SUN1: variants seen among roughly 807,000 people sequenced by gnomAD.
SUN1 encodes Sad1 and UNC84 domain containing 1.
In SUN1, 61 loss-of-function variants were observed where a neutral mutation model predicts 103.2. That is an observed-to-expected ratio of 0.59 (90% confidence interval 0.48 to 0.73). The LOEUF is 0.73. SUN1 is among the 30% of genes least tolerant of loss of function. The probability of loss-of-function intolerance (pLI) is 0.00; values close to 1 mark genes in which losing one functional copy is unlikely to be tolerated. For synonymous variants in SUN1, 490 were observed against 425.7 expected (o/e 1.15, Z -1.86); for missense variants, 1,052 against 1,034.6 (o/e 1.02, Z -0.23).
chr7:839,083 G>A, intron 2 of SUN1, 97 bp downstream of exon 2: 3 of 1,296,056 alleles, frequency 2.3e-6, no homozygotes, highest in Non-Finnish European at 3.1e-6. Context: ...CCTGTCTCGA[G>A]CTTAAGGATA....
At chr7:837,214 G>A (rs559694110) in intron 1 of SUN1, among the ~76,000 whole-genome samples, 98 of 152,324 alleles carry the variant, frequency 6.4e-4, no homozygotes, top group African/African-American at 2.2e-3. Flanking sequence ...GCAGGGTTCC[G>A]TGGCTGGAAG....
intron 10 of SUN1, among the ~76,000 whole-genome samples, chr7:854,259 G>C (rs151212608): frequency 6.6e-6 from 1 of 152,252 alleles, no homozygotes; most frequent in African/African-American, 2.4e-5. Flanking sequence ...TGATCATGGC[G>C]GCGACTGGAA....
At chr7:854,262 G>C (rs1042694189) in intron 10 of SUN1, among the ~76,000 whole-genome samples, 1 of 152,264 alleles carries the variant, frequency 6.6e-6, no homozygotes, top group Non-Finnish European at 1.5e-5. Flanking sequence ...TCATGGCGGC[G>C]ACTGGAACGC....
At position 823,812 on chromosome 7, in the gene SUN1, C is replaced by T. The variant is rs186579181; in HGVS notation, c.-74+7139C>T. Among the ~76,000 whole-genome samples, 9 of 152,214 alleles carry T rather than the reference C, an allele frequency of 5.9e-5. No individual in the cohort carries two copies. The East Asian group carries it at 1.4e-3, about 23-fold the overall frequency. ...GAATGGAGAGGGGGCATGGGGCACG[C>T]GCCCTGGGGAGGGAGGAGCAGGCCT... On this transcript the variant is annotated intron_variant, in intron 1 of 17. Transcript: ENST00000389574.
upstream of SUN1, among the ~76,000 whole-genome samples, chr7:827,614 T>C (rs867622252): frequency 3.4e-4 from 50 of 148,786 alleles, no homozygotes; most frequent in Middle Eastern, 0.016. Context: ...GGACTACAGG[T>C]GCCCGCCACC....
intron 5 of SUN1, 153 bp from the exon 6 acceptor site, chr7:851,231 G>C (rs1276794921): frequency 1.1e-5 from 6 of 565,764 alleles, no homozygotes; most frequent in Non-Finnish European, 1.9e-5. Context: ...GCACTTACAA[G>C]AGTTATTTGG....
chr7:838,998 T>C lies in SUN1; in HGVS notation c.266+12T>C, dbSNP rs1265031397. Reference sequence around the variant, plus strand: ...AACCGAGCGGCCAGGTGAGCACCGCTGCACTTCCTCTCCATCTGATCTCTA... The same window carrying C: ...AACCGAGCGGCCAGGTGAGCACCGCCGCACTTCCTCTCCATCTGATCTCTA... On this transcript the variant is annotated intron_variant, in intron 2 of 18. Transcript: ENST00000401592. The C allele has an allele frequency of 6.5e-7, 1 of 1,538,388 alleles. No individual in the cohort carries two copies. Among genetic ancestry groups the C allele is most frequent in the East Asian group, 2.3e-5 (1 of 43,212 alleles).
chr7:852,502 A>G, intron 7 of SUN1, 107 bp from the exon 8 acceptor site: 1 of 1,325,408 alleles, frequency 7.5e-7, no homozygotes, highest in Non-Finnish European at 1.1e-6. Context: ...TGCTTTTCTA[A>G]TACTGGGGGG....
chr7:861,137 T>C (rs1454889845), intron 14 of SUN1, among the ~76,000 whole-genome samples: 3 of 152,206 alleles, frequency 2.0e-5, no homozygotes, highest in Non-Finnish European at 4.4e-5. Flanking sequence ...CAAAGATTGA[T>C]GGTGGCCATG....
intron 5 of SUN1, among the ~76,000 whole-genome samples, chr7:846,397 A>G (rs1815788852): frequency 1.3e-5 from 2 of 152,014 alleles, no homozygotes; most frequent in African/African-American, 2.4e-5. Context: ...ATGAGTCACC[A>G]TGCCCAGCCC....
At chr7:837,058 C>T (rs1425882341) in intron 1 of SUN1, among the ~76,000 whole-genome samples, 1 of 152,234 alleles carries the variant, frequency 6.6e-6, no homozygotes, top group Non-Finnish European at 1.5e-5. Flanking sequence ...CTCACACCTG[C>T]AACATGGTGA....
At chr7:855,045 G>A (rs773687263) in intron 11 of SUN1, 39 bp downstream of exon 11, 7 of 1,476,334 alleles carry the variant, frequency 4.7e-6, no homozygotes, top group Admixed American at 3.6e-5. Flanking sequence ...AAAATAAAAA[G>A]AAAATCAACT....
At position 856,324 on chromosome 7, in the gene SUN1, T is replaced by A. The variant is rs369753567; in HGVS notation, c.1351-34T>A. The A allele has an allele frequency of 2.5e-6, 4 of 1,603,624 alleles. No individual in the cohort carries two copies. In the African/African-American group the frequency reaches 4.0e-5, roughly 16 times the overall value. On this transcript the variant is annotated intron_variant, in intron 11 of 18. Coordinates refer to ENST00000401592, the MANE Select transcript of SUN1 (RefSeq NM_001130965.3). ...TTATGAAAAGTTAATATATAACTTA[T>A]GTGTTTCAGTAGACTATTTCTCATA...
rs1822695561 is a variant in SUN1 at position 852,050 on chromosome 7, A to C, written c.851+7A>C. The C allele has an allele frequency of 6.2e-7, 1 of 1,613,794 alleles. No homozygotes were observed. ...ATGTGTTTCTTCTTACCAGGTAAGG[A>C]AATGGATATCATGTCAGCGTGGTGC... is the stretch of plus-strand genomic sequence containing the variant. On this transcript the variant is annotated splice_region_variant and intron_variant, in intron 7 of 18. Transcript: ENST00000401592.
chr7:832,846 C>G (rs948862630), intron 1 of SUN1: 1 of 480,640 alleles, frequency 2.1e-6, no homozygotes, highest in Non-Finnish European at 3.7e-6. Context: ...CTGGCTTCGA[C>G]CCCACCCAGG....
intron 16 of SUN1, among the ~76,000 whole-genome samples, chr7:867,261 G>A (rs895934622): frequency 5.3e-5 from 8 of 152,254 alleles, no homozygotes; most frequent in Admixed American, 3.9e-4. Context: ...GCAGGCAGAC[G>A]CAGCCTCTGC....
intron 7 of SUN1, 160 bp downstream of exon 7, chr7:852,203 C>A: frequency 2.9e-6 from 2 of 683,268 alleles, no homozygotes. Flanking sequence ...TTTTTCAAAC[C>A]AACCTGTGAG....
In SUN1 at chr7:852,297, G is replaced by T. The variant is rs1584878974; in HGVS notation, c.851+254G>T. 5 of 596,538 alleles carry T rather than the reference G, an allele frequency of 8.4e-6. No individual in the cohort carries two copies. The East Asian group carries it at 1.1e-4, about 14-fold the overall frequency. The allele number at this position is 596,538 out of a possible 1,614,324, so 37.0% of individuals were successfully genotyped here. ...GGCCTGGGCAGGATGGGGGACCCAG[G>T]TCCAGGCTTCTGCCCTGCTGCAGTT... On this transcript the variant is annotated intron_variant, in intron 7 of 18. Transcript: ENST00000401592.
In SUN1 at chr7:851,393, T is replaced by C; in HGVS notation, c.668T>C (p.Leu223Ser). 6.2e-7 allele frequency: 1 copy of C among 1,602,934 alleles called. No homozygotes were observed. Among genetic ancestry groups the C allele is most frequent in the East Asian group, 2.2e-5 (1 of 44,478 alleles). ...CGTCTTCCCTGCACAGGTTACTTCT[T>C]GCTGCAGATTCTGCGCAGGATCGGA... Reference protein sequence around the residue: ...SRDRNQKCYFLLQILRRIGAV... With the variant: ...SRDRNQKCYFSLQILRRIGAV... Residue 223 changes from leucine (L) to serine (S), a missense_variant, in exon 6 of 19, where the codon TTG (leucine) becomes TCG (serine). Leu to Ser is a moderately radical substitution (Grantham distance 145). This residue lies in a region of SUN1 where 846 missense variants were observed against 774.5 expected (regional missense o/e 1.09). Transcript: ENST00000401592.
Sources: gnomAD v4.1 joint callset for allele counts (sites outside exome capture counted in the v4.1 genomes callset) on GRCh38, gnomAD v4.1.1 for gene constraint, gnomAD v4.1.1 regional missense constraint, MANE v1.5 for transcripts, NCBI Gene and HGNC (gene_info 2026-07-23, HGNC 2026-07-21) for gene names.